Variants in ADGRG7 observed in about 807,000 individuals in gnomAD.
The protein encoded by ADGRG7 is adhesion G protein-coupled receptor G7.
ADGRG7 carries 82 observed loss-of-function variants against 88.6 expected under a neutral mutation model. That is an observed-to-expected ratio of 0.93 (90% CI 0.77 to 1.11). The LOEUF (loss-of-function observed/expected upper bound fraction) is 1.11, where lower values mean the gene tolerates loss of function less well. Among genes scored for constraint, ADGRG7 ranks in the 50% most tolerant of loss-of-function variants. The probability of loss-of-function intolerance (pLI) is 0.00; values close to 1 mark genes in which losing one functional copy is unlikely to be tolerated. For synonymous variants in ADGRG7, 381 were observed against 345.2 expected (o/e 1.10, Z -1.15); for missense variants, 945 against 953.4 (o/e 0.99, Z 0.12).
chr3:100,688,813 G>A (rs1421117270), intron 15 of ADGRG7, among the ~76,000 whole-genome samples: 2 of 152,158 alleles, frequency 1.3e-5, no homozygotes, highest in Non-Finnish European at 2.9e-5. Context: ...GGTCAATTTT[G>A]GAATAGGTGT....
intron 15 of ADGRG7, among the ~76,000 whole-genome samples, chr3:100,693,838 C>A (rs1253291905): frequency 6.6e-6 from 1 of 152,194 alleles, no homozygotes; most frequent in Non-Finnish European, 1.5e-5. Context: ...GATGCTATTT[C>A]ATCTGTCATT....
intron 15 of ADGRG7, among the ~76,000 whole-genome samples, chr3:100,681,151 C>T (rs567098465): frequency 2.6e-5 from 4 of 151,196 alleles, no homozygotes; most frequent in East Asian, 1.9e-4. Flanking sequence ...TATAAAAGTA[C>T]TAATGAAGAT....
chr3:100,675,901 C>T (rs961007438), intron 15 of ADGRG7, among the ~76,000 whole-genome samples: 5 of 151,992 alleles, frequency 3.3e-5, no homozygotes, highest in African/African-American at 1.2e-4. Context: ...CATATAGTTG[C>T]TCATAGTAGC....
At position 100,655,171 on chromosome 3, in the gene ADGRG7, A is replaced by G. The variant is rs1167183646; in HGVS notation, c.1716A>G (p.Leu572=). 6.2e-7 allele frequency: 1 copy of G among 1,605,368 alleles called. No individual in the cohort carries two copies. The highest frequency in any genetic ancestry group is 1.3e-5 in the African/African-American group (1 of 74,718). The change falls in exon 12 of 16, where the codon TTA becomes TTG. Residue 572 remains leucine (L), a synonymous_variant. Coordinates refer to ENST00000273352, the MANE Select transcript of ADGRG7 (RefSeq NM_032787.3). ...GGCATTTCATTCTTTTCATCTCATTAATTGGATGGGGTAAGTGTTTGCATC... is the reference window on the plus strand; with the variant it reads ...GGCATTTCATTCTTTTCATCTCATTGATTGGATGGGGTAAGTGTTTGCATC... ...LPRHFILFIS[L]IGWGVPAIVV...
intron 3 of ADGRG7, among the ~76,000 whole-genome samples, chr3:100,631,238 C>A (rs2149017480): frequency 6.6e-6 from 1 of 152,240 alleles, no homozygotes; most frequent in South Asian, 2.1e-4. Context: ...TAGTCCTTCA[C>A]CTTTTTGGTC....
chr3:100,688,869 G>A (rs2149043595), intron 15 of ADGRG7, among the ~76,000 whole-genome samples: 1 of 152,338 alleles, frequency 6.6e-6, no homozygotes, highest in African/African-American at 2.4e-5. Flanking sequence ...TTGGGGTGGA[G>A]AGTTCTGTAG....
At chr3:100,624,110 C>A (rs1283674561) in intron 1 of ADGRG7, among the ~76,000 whole-genome samples, 1 of 152,106 alleles carries the variant, frequency 6.6e-6, no homozygotes, top group Non-Finnish European at 1.5e-5. Context: ...TGAGGAATTG[C>A]CACACTTTCT....
chr3:100,626,077 A>G (rs934939108), intron 1 of ADGRG7, among the ~76,000 whole-genome samples: 1 of 152,184 alleles, frequency 6.6e-6, no homozygotes, highest in Admixed American at 6.5e-5. Context: ...TAGTTTCACA[A>G]GGAAAGGTAC....
intron 9 of ADGRG7, 23 bp downstream of exon 9, chr3:100,646,131 A>T: frequency 6.2e-7 from 1 of 1,606,892 alleles, no homozygotes; most frequent in Non-Finnish European, 8.5e-7. Flanking sequence ...TTGCAGATGC[A>T]AGAAAAAAGT....
intron 1 of ADGRG7, among the ~76,000 whole-genome samples, chr3:100,624,123 C>T (rs1220667474): frequency 6.6e-6 from 1 of 152,084 alleles, no homozygotes; most frequent in East Asian, 1.9e-4. Context: ...CACTTTCTTC[C>T]AGAATGGTTG....
intron 13 of ADGRG7, among the ~76,000 whole-genome samples, chr3:100,659,334 G>A (rs1251603835): frequency 6.6e-6 from 1 of 151,358 alleles, no homozygotes; most frequent in South Asian, 2.1e-4. Flanking sequence ...CAGCTACTCG[G>A]GAGGCTGAGG....
chr3:100,640,022 A>T (rs1272587016), intron 6 of ADGRG7, among the ~76,000 whole-genome samples: 1 of 152,158 alleles, frequency 6.6e-6, no homozygotes, highest in East Asian at 1.9e-4. Flanking sequence ...TACCAACGTG[A>T]TCTTTTGCAT....
intron 6 of ADGRG7, among the ~76,000 whole-genome samples, chr3:100,641,121 C>A (rs1307154636): frequency 6.6e-6 from 1 of 152,092 alleles, no homozygotes; most frequent in Admixed American, 6.5e-5. Flanking sequence ...CCAAAATAAT[C>A]AAAAAGGTCA....
chr3:100,694,863 G>A lies in ADGRG7; in HGVS notation c.2256G>A (p.Arg752=). The A allele has an allele frequency of 6.2e-7, 1 of 1,614,174 alleles. No homozygotes were observed. The highest frequency in any genetic ancestry group is 8.5e-7 in the Non-Finnish European group (1 of 1,180,024). The change falls in exon 16 of 16, where the codon CGG becomes CGA. Residue 752 remains arginine, a synonymous_variant. Coordinates refer to ENST00000273352, the MANE Select transcript of ADGRG7 (RefSeq NM_032787.3). ...GRRKSLPSVT[R]PRLRVKMYNF... ...GGAAGTCATTGCCTTCAGTGACGCG[G>A]CCGAGGCTGCGTGTAAAGATGTATA...
intron 12 of ADGRG7, among the ~76,000 whole-genome samples, chr3:100,655,483 C>T (rs2094936485): frequency 1.3e-5 from 2 of 151,926 alleles, no homozygotes; most frequent in South Asian, 2.1e-4. Context: ...AATTAACTTC[C>T]AGCTAGTTTA....
intron 1 of ADGRG7, among the ~76,000 whole-genome samples, chr3:100,627,618 A>G (rs1387113578): frequency 6.6e-6 from 1 of 152,110 alleles, no homozygotes; most frequent in Non-Finnish European, 1.5e-5. Flanking sequence ...TTATTTTCTA[A>G]AAGAGTTTGT....
intron 1 of ADGRG7, among the ~76,000 whole-genome samples, chr3:100,614,176 A>G (rs1039987596): frequency 6.6e-6 from 1 of 152,208 alleles, no homozygotes; most frequent in Admixed American, 6.5e-5. Flanking sequence ...AATAGATACC[A>G]TTGACCTAGA....
intron 15 of ADGRG7, among the ~76,000 whole-genome samples, chr3:100,691,866 C>A (rs1189554081): frequency 6.6e-6 from 1 of 152,090 alleles, no homozygotes; most frequent in Non-Finnish European, 1.5e-5. Flanking sequence ...CTCTTCTCAT[C>A]TCCTCAACTA....
intron 5 of ADGRG7, 140 bp from the exon 6 acceptor site, chr3:100,637,162 C>A: frequency 1.7e-6 from 1 of 602,390 alleles, no homozygotes; most frequent in Non-Finnish European, 2.9e-6. Flanking sequence ...AAGAATAAAC[C>A]TTTAATTTTG....
Sources: gnomAD v4.1 joint callset for allele counts (sites outside exome capture counted in the v4.1 genomes callset) on GRCh38, gnomAD v4.1.1 for gene constraint, MANE v1.5 for transcripts, NCBI Gene and HGNC (gene_info 2026-07-23, HGNC 2026-07-21) for gene names.